Variants in MAGI2 observed in about 807,000 individuals in gnomAD.
MAGI2 encodes membrane-associated guanylate kinase, WW and PDZ domain-containing protein 2.
Under a neutral mutation model 133.3 loss-of-function variants are expected in MAGI2, and 35 were observed. The ratio of observed to expected loss-of-function variants is 0.26; its 90% CI spans 0.20 to 0.35. MAGI2 has a LOEUF of 0.35. Ranked by LOEUF, MAGI2 falls within the 10% of genes least tolerant of loss-of-function variation. The pLI is 1.00. For missense variants in MAGI2, 1,636 were observed against 1,863.4 expected, an observed-to-expected ratio of 0.88 and a Z score of 2.25; for synonymous variants, 729 against 710.6, an observed-to-expected ratio of 1.03 and a Z score of -0.41.
At chr7:78,902,820 C>T (rs968314862) in intron 2 of MAGI2, among the ~76,000 whole-genome samples, 1 of 152,108 alleles carries the variant, frequency 6.6e-6, no homozygotes, top group Non-Finnish European at 1.5e-5. Context: ...CCAGCAGAAA[C>T]AAACCCTAGG....
intron 3 of MAGI2, among the ~76,000 whole-genome samples, chr7:78,601,881 G>A (rs1174461856): frequency 6.6e-6 from 1 of 152,192 alleles, no homozygotes; most frequent in East Asian, 1.9e-4. Flanking sequence ...TCAGCACACA[G>A]TACAGTGGAC....
intron 1 of MAGI2, among the ~76,000 whole-genome samples, chr7:79,312,087 C>A (rs1005323765): frequency 2.6e-5 from 4 of 152,128 alleles, no homozygotes; most frequent in Non-Finnish European, 5.9e-5. Context: ...ACCCTAAGAT[C>A]CCCATCTCAC....
chr7:78,396,307 A>C (rs1796340436), intron 6 of MAGI2, among the ~76,000 whole-genome samples: 1 of 152,142 alleles, frequency 6.6e-6, no homozygotes, highest in Admixed American at 6.5e-5. Flanking sequence ...AGGGTCTTCC[A>C]TTCTGCCAGC....
At chr7:78,572,625 C>T (rs1314302637) in intron 3 of MAGI2, among the ~76,000 whole-genome samples, 6 of 152,028 alleles carry the variant, frequency 3.9e-5, no homozygotes, top group South Asian at 2.1e-4. Flanking sequence ...TCATTATCTA[C>T]TCTGATTTTT....
intron 1 of MAGI2, chr7:79,410,655 ATAT>A (rs1460235120): frequency 6.6e-6 from 1 of 152,098 alleles, no homozygotes; most frequent in Non-Finnish European, 1.5e-5. Context: ...CAAAAAAAAG[ATAT>A]TTAGTATTAC....
chr7:78,052,367 CCT>C (rs1812101138), intron 21 of MAGI2, among the ~76,000 whole-genome samples: 1 of 152,182 alleles, frequency 6.6e-6, no homozygotes, highest in Non-Finnish European at 1.5e-5. Context: ...TTTCTTGCTT[CCT>C]CTCTCACCAC....
At chr7:78,839,309 T>C (rs1184314900) in intron 2 of MAGI2, among the ~76,000 whole-genome samples, 2 of 152,140 alleles carry the variant, frequency 1.3e-5, no homozygotes, top group Non-Finnish European at 2.9e-5. Flanking sequence ...GAAAACATGC[T>C]GGGTGGGCCC....
chr7:78,301,830 CTA>C (rs749142329), intron 9 of MAGI2, among the ~76,000 whole-genome samples: 2 of 152,166 alleles, frequency 1.3e-5, no homozygotes, highest in African/African-American at 4.8e-5. Flanking sequence ...CAGAGCCAGA[CTA>C]TGTGAATTCC....
chr7:78,417,281 A>G (rs1038651397), intron 6 of MAGI2, among the ~76,000 whole-genome samples: 1 of 145,888 alleles, frequency 6.9e-6, no homozygotes. Flanking sequence ...GCTACTGACA[A>G]TCCATAAAAT....
At chr7:78,230,066 T>C (rs1789807601) in intron 10 of MAGI2, among the ~76,000 whole-genome samples, 1 of 152,226 alleles carries the variant, frequency 6.6e-6, no homozygotes, top group South Asian at 2.1e-4. Flanking sequence ...TCCTTATTAA[T>C]TTCTCAAGTT....
chr7:79,132,328 C>T (rs566655721), intron 1 of MAGI2, among the ~76,000 whole-genome samples: 128 of 152,000 alleles, frequency 8.4e-4, no homozygotes, highest in Non-Finnish European at 1.5e-3. Flanking sequence ...CCTTAAAGTC[C>T]ATTATATCAC....
At position 78,383,473 on chromosome 7, in the gene MAGI2, G is replaced by C. The variant is rs1795108558; in HGVS notation, c.1046-14260C>G. 3.3e-5 allele frequency among the ~76,000 whole-genome samples: 5 copies of C among 151,960 alleles called. No homozygotes were observed. In the South Asian group the frequency reaches 1.0e-3, roughly 32 times the overall value. On this transcript the variant is annotated intron_variant, in intron 6 of 21. Coordinates refer to ENST00000354212, the MANE Select transcript of MAGI2 (RefSeq NM_012301.4). Reference sequence around the variant, plus strand: ...TTAATGGGATTAGTTGTTTTTTCCTGTTTGATTTATTTGTATATTCTGGAT... The same window carrying C: ...TTAATGGGATTAGTTGTTTTTTCCTCTTTGATTTATTTGTATATTCTGGAT...
chr7:78,487,190 AG>A (rs1157894714), intron 6 of MAGI2: 1 of 222,526 alleles, frequency 4.5e-6, no homozygotes, highest in African/African-American at 2.4e-5. Context: ...AAAAAAAAAA[AG>A]CCAAAATACC....
chr7:79,199,173 G>A (rs912142863), intron 1 of MAGI2, among the ~76,000 whole-genome samples: 1 of 151,876 alleles, frequency 6.6e-6, no homozygotes, highest in Admixed American at 6.6e-5. Context: ...ATTTTGTAAA[G>A]CTTAGATTCT....
chr7:79,092,326 A>C (rs949928382), intron 1 of MAGI2, among the ~76,000 whole-genome samples: 1 of 152,186 alleles, frequency 6.6e-6, no homozygotes. Flanking sequence ...ATTCATTTTC[A>C]GAACATCTGA....
At chr7:79,448,852 A>G (rs1017329838) in intron 1 of MAGI2, among the ~76,000 whole-genome samples, 9 of 152,162 alleles carry the variant, frequency 5.9e-5, no homozygotes, top group Admixed American at 2.0e-4. Context: ...GAATAGGGAC[A>G]GTACAGATAA....
intron 9 of MAGI2, among the ~76,000 whole-genome samples, chr7:78,304,797 C>T (rs1798117000): frequency 6.6e-6 from 1 of 152,096 alleles, no homozygotes; most frequent in African/African-American, 2.4e-5. Flanking sequence ...TGATAGGAGG[C>T]TATTTGAACA....
At chr7:79,341,741 A>G (rs777898206) in intron 1 of MAGI2, among the ~76,000 whole-genome samples, 10 of 152,172 alleles carry the variant, frequency 6.6e-5, no homozygotes, top group Non-Finnish European at 2.9e-5. Flanking sequence ...TCTTTCAACC[A>G]CTTGAAAATC....
intron 2 of MAGI2, among the ~76,000 whole-genome samples, chr7:78,938,411 G>C (rs185991486): frequency 6.6e-6 from 1 of 152,000 alleles, no homozygotes; most frequent in African/African-American, 2.4e-5. Flanking sequence ...TTCAGAATTA[G>C]TTATGTAGTA....
Sources: allele counts gnomAD v4.1 joint callset (sites outside exome capture counted in the v4.1 genomes callset), GRCh38; gene constraint gnomAD v4.1.1; transcripts MANE v1.5; gene names NCBI Gene and HGNC (gene_info 2026-07-23, HGNC 2026-07-21).